PKN2: variants seen among roughly 807,000 people sequenced by gnomAD.
The protein encoded by PKN2 is serine/threonine-protein kinase N2.
A neutral mutation model predicts 119.1 loss-of-function variants in PKN2; 38 were observed. The observed-to-expected ratio is 0.32, with a 90% CI of 0.25 to 0.42. The LOEUF (loss-of-function observed/expected upper bound fraction) is 0.42. Among genes scored for constraint, PKN2 ranks in the 10% least tolerant of loss-of-function variants. The pLI, the probability that PKN2 is intolerant of heterozygous loss-of-function variation, is 1.00. For missense variants in PKN2, 850 were observed against 1,165.1 expected, an observed-to-expected ratio of 0.73 and a Z score of 3.94; for synonymous variants, 390 against 384.9, an observed-to-expected ratio of 1.01 and a Z score of -0.15.
intron 2 of PKN2, among the ~76,000 whole-genome samples, chr1:88,757,704 AC>A (rs1489569399): frequency 6.6e-6 from 1 of 152,168 alleles, no homozygotes; most frequent in Non-Finnish European, 1.5e-5. Context: ...GGATAAAAAT[AC>A]AAAACACTAA....
intron 1 of PKN2, among the ~76,000 whole-genome samples, chr1:88,732,460 A>G (rs1668177330): frequency 6.6e-6 from 1 of 152,180 alleles, no homozygotes; most frequent in Non-Finnish European, 1.5e-5. Flanking sequence ...CAAGGGCACA[A>G]ATAAGGGAAA....
intron 16 of PKN2, among the ~76,000 whole-genome samples, chr1:88,820,990 G>A (rs786921): frequency 0.58 from 88,369 of 151,920 alleles, 25,960 homozygotes; most frequent in Middle Eastern, 0.82. Context: ...ATTCTCTCTC[G>A]ACCCAGGTTT....
At chr1:88,688,383 C>T (rs575824286) in intron 1 of PKN2, among the ~76,000 whole-genome samples, 3 of 152,102 alleles carry the variant, frequency 2.0e-5, no homozygotes, top group Admixed American at 6.6e-5. Context: ...CCATGCCCGG[C>T]GCCACTACAC....
At chr1:88,748,870 G>A (rs1310614072) in intron 2 of PKN2, among the ~76,000 whole-genome samples, 1 of 152,068 alleles carries the variant, frequency 6.6e-6, no homozygotes, top group African/African-American at 2.4e-5. Context: ...GAGAGTTTGA[G>A]GCTACATTGA....
At chr1:88,809,094 T>C (rs1450549393) in intron 15 of PKN2, among the ~76,000 whole-genome samples, 5 of 152,236 alleles carry the variant, frequency 3.3e-5, no homozygotes, top group Admixed American at 2.0e-4. Context: ...TTTATTTTTT[T>C]ATGTTATATA....
intron 15 of PKN2, among the ~76,000 whole-genome samples, chr1:88,809,178 C>A (rs996234802): frequency 4.6e-5 from 7 of 152,060 alleles, no homozygotes; most frequent in African/African-American, 1.7e-4. Context: ...ACACCTCAAT[C>A]ACATCAAAAT....
intron 17 of PKN2, among the ~76,000 whole-genome samples, 155 bp from the exon 18 acceptor site, chr1:88,824,155 T>C (rs1288738058): frequency 6.6e-6 from 1 of 152,222 alleles, no homozygotes; most frequent in Non-Finnish European, 1.5e-5. Flanking sequence ...AACTGAATGT[T>C]TGTGTTATAG....
At chr1:88,809,037 C>A (rs543450315) in intron 15 of PKN2, among the ~76,000 whole-genome samples, 22 of 152,190 alleles carry the variant, frequency 1.4e-4, no homozygotes, top group South Asian at 1.2e-3. Flanking sequence ...TTTTTTTCCA[C>A]CATATGGGTA....
intron 17 of PKN2, among the ~76,000 whole-genome samples, chr1:88,824,033 A>G (rs1261746518): frequency 6.6e-6 from 1 of 151,700 alleles, no homozygotes. Context: ...AAAGGATTAA[A>G]TTAGATTATC....
chr1:88,724,531 A>G (rs1177619186), intron 1 of PKN2, among the ~76,000 whole-genome samples: 1 of 151,552 alleles, frequency 6.6e-6, no homozygotes, highest in South Asian at 2.1e-4. Flanking sequence ...ATTTATGTAT[A>G]ACATTGAAGA....
chr1:88,720,102 C>T (rs1025764195), intron 1 of PKN2, among the ~76,000 whole-genome samples: 52 of 151,970 alleles, frequency 3.4e-4, no homozygotes, highest in Admixed American at 2.0e-3. Context: ...GCACCAATCA[C>T]GGCTTACTGC....
intron 2 of PKN2, among the ~76,000 whole-genome samples, chr1:88,757,288 CTAT>C (rs753133611): frequency 3.3e-5 from 5 of 152,108 alleles, no homozygotes; most frequent in Non-Finnish European, 5.9e-5. Context: ...AACTAAAGCA[CTAT>C]TATTTTACAT....
intron 1 of PKN2, among the ~76,000 whole-genome samples, chr1:88,726,548 T>C (rs1667904184): frequency 6.6e-6 from 1 of 152,180 alleles, no homozygotes; most frequent in African/African-American, 2.4e-5. Context: ...TGTATAATTC[T>C]TTTTCTTCGG....
chr1:88,766,481 A>G (rs1669673901), intron 3 of PKN2, among the ~76,000 whole-genome samples: 1 of 152,192 alleles, frequency 6.6e-6, no homozygotes, highest in African/African-American at 2.4e-5. Context: ...AAGTCGTATA[A>G]TTTTTTAGTT....
chr1:88,828,633 G>A lies in PKN2; in HGVS notation c.2562+10G>A, dbSNP rs768874720. The A allele has an allele frequency of 3.7e-6, 6 of 1,600,174 alleles. No individual in the cohort carries two copies. The Admixed American group carries it at 1.0e-4, about 27-fold the overall frequency. On this transcript the variant is annotated intron_variant, in intron 19 of 21. Coordinates refer to ENST00000370521, the MANE Select transcript of PKN2 (RefSeq NM_006256.4). ...AATGCTTGTTGGTGAGGTAAGCAGT[G>A]TGAAATAGGTAAGAGAACAGAGGAA...
intron 8 of PKN2, among the ~76,000 whole-genome samples, chr1:88,787,009 CA>C (rs1670606008): frequency 6.7e-6 from 1 of 149,852 alleles, no homozygotes; most frequent in South Asian, 2.1e-4. Context: ...CAGTAATCAC[CA>C]AAACATTTTT....
rs555242749 is a variant in PKN2, at chr1:88,734,154, A to G, written c.49-6834A>G. On this transcript the variant is annotated intron_variant, in intron 1 of 21. Transcript: ENST00000370521. ...AGCCTGGGTAACAGAGTGAGACCCTATCTTTAAAAAAAAAAAAAAAAAATT... is the reference window on the plus strand; with the variant it reads ...AGCCTGGGTAACAGAGTGAGACCCTGTCTTTAAAAAAAAAAAAAAAAAATT... Among the ~76,000 whole-genome samples the G allele has an allele frequency of 1.4e-4, 20 of 148,040 alleles. No individual in the cohort carries two copies. In the South Asian group the frequency reaches 3.8e-3, roughly 28 times the overall value.
At chr1:88,798,735 A>G (rs1671191857) in intron 8 of PKN2, among the ~76,000 whole-genome samples, 1 of 152,224 alleles carries the variant, frequency 6.6e-6, no homozygotes, top group South Asian at 2.1e-4. Context: ...GATTAGAAGG[A>G]ATGGGGCAGA....
In PKN2 at chr1:88,686,558, T is replaced by C. The variant is rs1666110355; in HGVS notation, c.48+1930T>C. On this transcript the variant is annotated intron_variant, in intron 1 of 21. Transcript: ENST00000370521. Reference sequence around the variant, plus strand: ...AATATAACCCCTTCCAGAAAAAGAATAGTTTTTATTAAGTGTTACCTTATA... The same window carrying C: ...AATATAACCCCTTCCAGAAAAAGAACAGTTTTTATTAAGTGTTACCTTATA... Among the ~76,000 whole-genome samples the C allele has an allele frequency of 3.3e-5, 5 of 152,040 alleles. No homozygotes were observed. The South Asian group carries it at 8.3e-4, about 25-fold the overall frequency.
Sources: allele counts gnomAD v4.1 joint callset (sites outside exome capture counted in the v4.1 genomes callset), GRCh38; gene constraint gnomAD v4.1.1; transcripts MANE v1.5; gene names NCBI Gene and HGNC (gene_info 2026-07-23, HGNC 2026-07-21).